Variants in GRM1 observed in about 807,000 individuals in gnomAD.
GRM1 encodes glutamate metabotropic receptor 1, also known as metabotropic glutamate receptor 1.
Under a neutral mutation model 90.9 loss-of-function variants are expected in GRM1, and 33 were observed. The observed-to-expected ratio is 0.36, with a 90% CI of 0.28 to 0.49. The LOEUF is 0.49. Ranked by LOEUF, GRM1 falls within the 20% of genes least tolerant of loss-of-function variation. The pLI, the probability that GRM1 is intolerant of heterozygous loss-of-function variation, is 0.99. For synonymous variants in GRM1, 700 were observed against 613.2 expected (o/e 1.14, Z -2.09); for missense variants, 1,190 against 1,534.3 (o/e 0.78, Z 3.75).
chr6:146,255,733 C>T (rs1398435461), intron 2 of GRM1, among the ~76,000 whole-genome samples: 2 of 152,148 alleles, frequency 1.3e-5, no homozygotes, highest in East Asian at 3.9e-4. Flanking sequence ...ACTATCTGAA[C>T]ACGATTGCTC....
In GRM1 at chr6:146,238,295, A is replaced by G. The variant is rs140894788; in HGVS notation, c.951-66316A>G. On this transcript the variant is annotated intron_variant, in intron 2 of 7. Coordinates refer to ENST00000282753, the MANE Select transcript of GRM1 (RefSeq NM_001278064.2). ...TTTATGATAACTATAAGCTGACAGCATTATTTTTAAGTGGACAGTTGTTTG... is the reference window on the plus strand; with the variant it reads ...TTTATGATAACTATAAGCTGACAGCGTTATTTTTAAGTGGACAGTTGTTTG... 8.9e-3 allele frequency among the ~76,000 whole-genome samples: 1,357 copies of G among 152,272 alleles called. 19 individuals are homozygous for G. The highest frequency in any genetic ancestry group is 0.03 in the African/African-American group (1,254 of 41,574).
rs142235882 is a variant in GRM1 at position 146,171,612 on chromosome 6, G to T, written c.950+12015G>T. 409 of 258,320 alleles carry T rather than the reference G, an allele frequency of 1.6e-3. 1 individual carries two copies. Among genetic ancestry groups the T allele is most frequent in the Middle Eastern group, 3.6e-3 (2 of 556 alleles). 16.0% of individuals were successfully genotyped at this position (258,320 alleles called of 1,614,324 possible). Reference sequence around the variant, plus strand: ...GTTGAAAATTGGCTGCAACAGCTGTGGGGGGGTGAATTTTTTCTCCTTCAG... The same window carrying T: ...GTTGAAAATTGGCTGCAACAGCTGTTGGGGGGTGAATTTTTTCTCCTTCAG... On this transcript the variant is annotated intron_variant, in intron 2 of 7. Transcript: ENST00000282753.
At chr6:146,419,555 A>G (rs1292992838) in intron 7 of GRM1, among the ~76,000 whole-genome samples, 1 of 152,188 alleles carries the variant, frequency 6.6e-6, no homozygotes, top group African/African-American at 2.4e-5. Context: ...TCACACTGCT[A>G]TATGGAACTA....
intron 4 of GRM1, 70 bp from the exon 5 acceptor site, chr6:146,357,456 C>A: frequency 8.0e-7 from 1 of 1,256,046 alleles, no homozygotes; most frequent in Non-Finnish European, 1.2e-6. Context: ...TTATTATCTA[C>A]TTACCAACTT....
rs11343198 is a variant in GRM1 at position 146,349,232 on chromosome 6, ATT to A, written c.1187-3006_1187-3005del. ...CAGGCGCCTGCCACCATGCCCGGCT[ATT>A]TTTTTTTTTTTATTTTTTTTTTATT... On this transcript the variant is annotated intron_variant, in intron 3 of 7. Coordinates refer to ENST00000282753, the MANE Select transcript of GRM1 (RefSeq NM_001278064.2). 5.9e-3 allele frequency among the ~76,000 whole-genome samples: 792 copies of A among 134,696 alleles called. 8 individuals carry two copies. Among genetic ancestry groups the A allele is most frequent in the Middle Eastern group, 0.023 (6 of 262 alleles). The allele number at this position is 134,696 out of a possible 152,430, so 88.4% of individuals were successfully genotyped here.
At chr6:146,032,023 G>C (rs543593545) in intron 1 of GRM1, among the ~76,000 whole-genome samples, 4 of 152,208 alleles carry the variant, frequency 2.6e-5, no homozygotes, top group Admixed American at 1.3e-4. Flanking sequence ...TTATAAGATT[G>C]TTTTATTTGG....
intron 1 of GRM1, among the ~76,000 whole-genome samples, chr6:146,105,586 A>T (rs1390566487): frequency 6.6e-6 from 1 of 152,222 alleles, no homozygotes; most frequent in Non-Finnish European, 1.5e-5. Context: ...AAAAAAGATA[A>T]ACTATCTAAA....
intron 2 of GRM1, among the ~76,000 whole-genome samples, chr6:146,168,962 C>G (rs147551636): frequency 1.3e-5 from 2 of 151,934 alleles, no homozygotes; most frequent in Non-Finnish European, 2.9e-5. Context: ...GCTTATTGAA[C>G]GTTTTAGATT....
chr6:146,153,663 C>T (rs1458077758), intron 1 of GRM1, among the ~76,000 whole-genome samples: 1 of 152,100 alleles, frequency 6.6e-6, no homozygotes, highest in African/African-American at 2.4e-5. Context: ...GGGAGAGCAT[C>T]TGGAAGAATA....
At chr6:146,061,343 CCACA>C (rs1775661166) in intron 1 of GRM1, among the ~76,000 whole-genome samples, 2 of 152,062 alleles carry the variant, frequency 1.3e-5, no homozygotes, top group Non-Finnish European at 2.9e-5. Flanking sequence ...TGCAGGACTG[CCACA>C]TACCTTCAAT....
At chr6:146,409,891 A>T (rs79330731) in intron 7 of GRM1, among the ~76,000 whole-genome samples, 2 of 152,212 alleles carry the variant, frequency 1.3e-5, no homozygotes, top group African/African-American at 4.8e-5. Flanking sequence ...ATGCTGCTCC[A>T]GGTAATGAAA....
chr6:146,034,020 G>A (rs1427633867), intron 1 of GRM1, among the ~76,000 whole-genome samples: 3 of 152,006 alleles, frequency 2.0e-5, no homozygotes, highest in East Asian at 1.9e-4. Context: ...GTAAGAAATA[G>A]GAGTGTTTTG....
At chr6:146,401,239 A>G (rs1339750388) in intron 7 of GRM1, among the ~76,000 whole-genome samples, 3 of 152,264 alleles carry the variant, frequency 2.0e-5, no homozygotes, top group East Asian at 3.9e-4. Context: ...GATGAAGCCA[A>G]TAATGTACGC....
chr6:146,250,637 G>A (rs1256060224), intron 2 of GRM1, among the ~76,000 whole-genome samples: 2 of 152,154 alleles, frequency 1.3e-5, no homozygotes, highest in African/African-American at 4.8e-5. Flanking sequence ...CTGCTATAAA[G>A]ATACTACCTA....
rs551296536 is a variant in GRM1 at position 146,195,129 on chromosome 6, T to A, written c.950+35532T>A. Among the ~76,000 whole-genome samples the A allele has an allele frequency of 2.6e-5, 4 of 152,296 alleles. No homozygotes were observed. In the South Asian group the frequency reaches 8.3e-4, roughly 32 times the overall value. On this transcript the variant is annotated intron_variant, in intron 2 of 7. Transcript: ENST00000282753. ...TTAATAGTACATGTTTTTAAAATGA[T>A]TTGAATATGAAAGCAATATATTACA...
At chr6:146,150,123 A>G (rs1777268759) in intron 1 of GRM1, among the ~76,000 whole-genome samples, 2 of 152,184 alleles carry the variant, frequency 1.3e-5, no homozygotes, top group Admixed American at 6.5e-5. Flanking sequence ...AGGAAAAGTG[A>G]AAGTAATAGG....
At chr6:146,355,862 G>A (rs1033683444) in intron 4 of GRM1, among the ~76,000 whole-genome samples, 22 of 152,166 alleles carry the variant, frequency 1.4e-4, no homozygotes, top group African/African-American at 5.1e-4. Flanking sequence ...AGCTGATGAA[G>A]AAGAGTATGT....
intron 5 of GRM1, among the ~76,000 whole-genome samples, chr6:146,373,081 T>TAGAA (rs757797069): frequency 2.6e-5 from 4 of 152,152 alleles, no homozygotes; most frequent in Non-Finnish European, 5.9e-5. Flanking sequence ...CGATATTGGT[T>TAGAA]TATTCTAATC....
At chr6:146,100,154 G>A (rs1029955580) in intron 1 of GRM1, among the ~76,000 whole-genome samples, 4 of 152,042 alleles carry the variant, frequency 2.6e-5, no homozygotes, top group African/African-American at 9.7e-5. Context: ...GAAGTCCATT[G>A]GTAATTTGGA....
Sources: allele counts gnomAD v4.1 joint callset (sites outside exome capture counted in the v4.1 genomes callset), GRCh38; gene constraint gnomAD v4.1.1; transcripts MANE v1.5; gene names NCBI Gene and HGNC (gene_info 2026-07-23, HGNC 2026-07-21).